The following SDK2 variants were observed in gnomAD, a reference collection of about 807,000 sequenced individuals.
SDK2 encodes the protein sidekick cell adhesion molecule 2.
In SDK2, 105 loss-of-function variants were observed where a neutral mutation model predicts 253.9. That is an observed-to-expected ratio of 0.41 (90% CI 0.35 to 0.49). The LOEUF (loss-of-function observed/expected upper bound fraction) is 0.49. Ranked by LOEUF, SDK2 falls within the 20% of genes least tolerant of loss-of-function variation. The pLI is 0.06. For missense variants in SDK2, 2,608 were observed against 3,003.0 expected, an observed-to-expected ratio of 0.87 and a Z score of 3.07; for synonymous variants, 1,249 against 1,234.9, an observed-to-expected ratio of 1.01 and a Z score of -0.24.
intron 2 of SDK2, among the ~76,000 whole-genome samples, chr17:73,486,768 G>A (rs1425685246): frequency 1.3e-5 from 2 of 152,148 alleles, no homozygotes; most frequent in Admixed American, 6.5e-5. Flanking sequence ...AGGGTGACAG[G>A]AAGTGGGAGA....
intron 2 of SDK2, among the ~76,000 whole-genome samples, chr17:73,477,348 G>C (rs1488035065): frequency 6.6e-6 from 1 of 152,152 alleles, no homozygotes; most frequent in Admixed American, 6.5e-5. Flanking sequence ...ATGGCTCCTG[G>C]AGGAGCAGCA....
In SDK2 at chr17:73,528,880, C is replaced by T. The variant is rs529866137; in HGVS notation, c.65-21283G>A. Among the ~76,000 whole-genome samples, 3 of 152,324 alleles carry T rather than the reference C, an allele frequency of 2.0e-5. No individual in the cohort carries two copies. In the South Asian group the frequency reaches 6.2e-4, roughly 32 times the overall value. Reference sequence around the variant, plus strand: ...ATCAATACAGCCATTACCCTTTGGACCATGGCACCGACACAGGTGCAAGGA... The same window carrying T: ...ATCAATACAGCCATTACCCTTTGGATCATGGCACCGACACAGGTGCAAGGA... On this transcript the variant is annotated intron_variant, in intron 1 of 44. Coordinates refer to ENST00000392650, the MANE Select transcript of SDK2 (RefSeq NM_001144952.2).
intron 5 of SDK2, among the ~76,000 whole-genome samples, chr17:73,444,378 T>G (rs1359763192): frequency 6.6e-6 from 1 of 151,730 alleles, no homozygotes; most frequent in Non-Finnish European, 1.5e-5. Flanking sequence ...TTGGGGTAAA[T>G]GGGGCTCCAA....
rs1555600246 is a variant in SDK2, at chr17:73,539,816, CG to C, written c.65-32220del. ...AAGAGAGAACGTGGGCAGAGACACACGGGGGGAATGCCATGTGATGACAGAG... is the reference window on the plus strand; with the variant it reads ...AAGAGAGAACGTGGGCAGAGACACACGGGGGAATGCCATGTGATGACAGAG... On this transcript the variant is annotated intron_variant, in intron 1 of 44. Coordinates refer to ENST00000392650, the MANE Select transcript of SDK2 (RefSeq NM_001144952.2). Among the ~76,000 whole-genome samples the C allele has an allele frequency of 5.3e-5, 8 of 151,332 alleles. No individual in the cohort carries two copies. The South Asian group carries it at 1.5e-3, about 28-fold the overall frequency.
intron 18 of SDK2, among the ~76,000 whole-genome samples, chr17:73,408,400 A>G (rs1297568032): frequency 2.1e-5 from 3 of 141,618 alleles, no homozygotes; most frequent in African/African-American, 8.0e-5. Context: ...TTTTTTTAAT[A>G]TTTTTAGTAG....
In SDK2 at chr17:73,616,980, T is replaced by C. The variant is rs181687563; in HGVS notation, c.64+27045A>G. ...GAGAGGGCGGGTTTTCACAGGCCCATGCATGGCACATGGGAGGCCCACGAC... is the reference window on the plus strand; with the variant it reads ...GAGAGGGCGGGTTTTCACAGGCCCACGCATGGCACATGGGAGGCCCACGAC... On this transcript the variant is annotated intron_variant, in intron 1 of 44. Transcript: ENST00000392650. This position sits in a 1 kb window ranked among gnomAD's most constrained non-coding sequence, Gnocchi z 5.2. Among the ~76,000 whole-genome samples the C allele has an allele frequency of 3.9e-5, 6 of 152,076 alleles. No individual in the cohort carries two copies. Among genetic ancestry groups the C allele is most frequent in the Non-Finnish European group, 5.9e-5 (4 of 67,960 alleles).
intron 1 of SDK2, among the ~76,000 whole-genome samples, chr17:73,620,071 T>C (rs1393798581): frequency 3.3e-5 from 5 of 152,030 alleles, no homozygotes; most frequent in African/African-American, 1.2e-4. Context: ...TGGTGGCATG[T>C]GCCCATAGTC....
chr17:73,336,656 G>C lies in SDK2; in HGVS notation c.*1931C>G, dbSNP rs1161492488. The C allele has an allele frequency of 1.3e-5, 2 of 152,708 alleles. No individual in the cohort carries two copies. Among genetic ancestry groups the C allele is most frequent in the Non-Finnish European group, 2.9e-5 (2 of 68,090 alleles). The allele number at this position is 152,708 out of a possible 1,614,324, so 9.5% of individuals were successfully genotyped here. On this transcript the variant is annotated 3_prime_UTR_variant, in exon 45 of 45. Transcript: ENST00000392650. ...GTGACTGACTTGGGGCTGTAGGAGA[G>C]TGGTCCAGGCTCTCTCTTACCTTGG...
chr17:73,578,296 T>G (rs1173654458), intron 1 of SDK2, among the ~76,000 whole-genome samples: 1 of 152,116 alleles, frequency 6.6e-6, no homozygotes, highest in Non-Finnish European at 1.5e-5. Flanking sequence ...AACTCCTGAC[T>G]TCAGGCAATC....
intron 1 of SDK2, among the ~76,000 whole-genome samples, chr17:73,514,943 G>A (rs964355544): frequency 2.0e-5 from 3 of 152,124 alleles, no homozygotes; most frequent in Non-Finnish European, 2.9e-5. Flanking sequence ...GGATGGACCC[G>A]GGGTCAGAGG....
intron 1 of SDK2, among the ~76,000 whole-genome samples, chr17:73,599,863 A>G (rs1432010565): frequency 6.6e-6 from 1 of 152,170 alleles, no homozygotes. Flanking sequence ...CTCAGCTGTG[A>G]TGGGGGGTCC....
At chr17:73,446,456 C>T (rs986114277) in intron 5 of SDK2, among the ~76,000 whole-genome samples, 3 of 152,154 alleles carry the variant, frequency 2.0e-5, no homozygotes, top group Admixed American at 2.0e-4. Flanking sequence ...TCTAGGCAGA[C>T]TGGATGCTGA....
At chr17:73,409,817 TTCTCTC>T (rs915109554) in intron 18 of SDK2, among the ~76,000 whole-genome samples, 1 of 132,852 alleles carries the variant, frequency 7.5e-6, no homozygotes, top group African/African-American at 2.9e-5. Context: ...AAATAATACA[TTCTCTC>T]TCTCTCTCTG....
chr17:73,550,327 C>T (rs909335266), intron 1 of SDK2, among the ~76,000 whole-genome samples: 2 of 152,198 alleles, frequency 1.3e-5, no homozygotes, highest in South Asian at 2.1e-4. Context: ...CTTAATGCTA[C>T]GTCCCCAGGA....
At chr17:73,579,038 C>T (rs771448076) in intron 1 of SDK2, among the ~76,000 whole-genome samples, 3 of 151,938 alleles carry the variant, frequency 2.0e-5, no homozygotes, top group Non-Finnish European at 4.4e-5. Flanking sequence ...CAGGAGCCAT[C>T]CCCACCCCTC....
chr17:73,450,161 C>G (rs2063481396), intron 4 of SDK2, among the ~76,000 whole-genome samples: 1 of 152,156 alleles, frequency 6.6e-6, no homozygotes, highest in Non-Finnish European at 1.5e-5. Flanking sequence ...CCTCCCCGTG[C>G]AGGGCTCTGG....
In SDK2 at chr17:73,509,902, C is replaced by CAAAAAAAAA. The variant is rs71157018; in HGVS notation, c.65-2314_65-2306dup. Among the ~76,000 whole-genome samples the CAAAAAAAAA allele has an allele frequency of 2.8e-3, 71 of 25,370 alleles. 6 individuals carry two copies. Among genetic ancestry groups the CAAAAAAAAA allele is most frequent in the Middle Eastern group, 0.025 (1 of 40 alleles). The allele number at this position is 25,370 out of a possible 152,430, so 16.6% of individuals were successfully genotyped here. On this transcript the variant is annotated intron_variant, in intron 1 of 44. Coordinates refer to ENST00000392650, the MANE Select transcript of SDK2 (RefSeq NM_001144952.2). ...GCAACAGAGCAAGACTCCATCTCTA[C>CAAAAAAAAA]AAAAAAAAAAAAAAAAAAAAGAAGG...
At position 73,395,011 on chromosome 17, in the gene SDK2, G is replaced by A. The variant is rs2062958484; in HGVS notation, c.3592+144C>T. Reference sequence around the variant, plus strand: ...TGCTGGGAGAGGCGGCAACATCATTGTGACATTGAGCATAAGCAGAGGAAA... The same window carrying A: ...TGCTGGGAGAGGCGGCAACATCATTATGACATTGAGCATAAGCAGAGGAAA... On this transcript the variant is annotated intron_variant, in intron 25 of 44. Coordinates refer to ENST00000392650, the MANE Select transcript of SDK2 (RefSeq NM_001144952.2). This position sits in a 1 kb window ranked among gnomAD's most constrained non-coding sequence, Gnocchi z 4.3. 1 of 644,898 alleles carries A rather than the reference G, an allele frequency of 1.6e-6. No individual in the cohort carries two copies. The highest frequency in any genetic ancestry group is 2.7e-6 in the Non-Finnish European group (1 of 371,748). The allele number at this position is 644,898 out of a possible 1,614,324, so 39.9% of individuals were successfully genotyped here.
At chr17:73,469,588 C>A (rs1385631912) in intron 3 of SDK2, among the ~76,000 whole-genome samples, 1 of 152,170 alleles carries the variant, frequency 6.6e-6, no homozygotes, top group Non-Finnish European at 1.5e-5. Context: ...CTGGTCACAC[C>A]CCTCCCCCAG....
Sources: gnomAD v4.1 joint callset for allele counts (sites outside exome capture counted in the v4.1 genomes callset) on GRCh38, gnomAD v4.1.1 for gene constraint, Gnocchi (gnomAD v3.1) non-coding constraint, MANE v1.5 for transcripts, NCBI Gene and HGNC (gene_info 2026-07-23, HGNC 2026-07-21) for gene names.